ACO2: variants seen among roughly 807,000 people sequenced by gnomAD.
ACO2 encodes the protein aconitase 2.
Under a neutral mutation model 84.5 loss-of-function variants are expected in ACO2, and 31 were observed. The ratio of observed to expected loss-of-function variants is 0.37; its 90% CI spans 0.28 to 0.50. The LOEUF is 0.50. ACO2 is among the 20% of genes least tolerant of loss of function. ACO2 has a pLI of 0.97. For missense variants in ACO2, 685 were observed against 1,029.3 expected (o/e 0.67, Z 4.58); for synonymous variants, 414 against 412.7 (o/e 1.00, Z -0.04).
intron 3 of ACO2, among the ~76,000 whole-genome samples, chr22:41,510,518 G>T (rs994829565): frequency 2.0e-5 from 3 of 152,250 alleles, no homozygotes; most frequent in Admixed American, 1.3e-4. Context: ...CAGTGAAGGG[G>T]TGTGTGGTTT....
At chr22:41,512,615 G>A (rs1342257598) in intron 4 of ACO2, among the ~76,000 whole-genome samples, 1 of 152,162 alleles carries the variant, frequency 6.6e-6, no homozygotes, top group Non-Finnish European at 1.5e-5. Context: ...GCTTCTGCAC[G>A]TGGCGCTCCT....
At chr22:41,498,128 G>A (rs1415587776) in intron 1 of ACO2, among the ~76,000 whole-genome samples, 1 of 151,972 alleles carries the variant, frequency 6.6e-6, no homozygotes, top group Non-Finnish European at 1.5e-5. Flanking sequence ...TGGCGACAGA[G>A]CAAGAATCCA....
Position 41,510,852 on chromosome 22 carries a change from G to C in ACO2, c.433-1024G>C, listed in dbSNP as rs74338524. Reference sequence around the variant, plus strand: ...TCGTTTGGCTGAAACCTCCTTTTCAGAACAGTGGTCCCTTCGACAGCCTTC... The same window carrying C: ...TCGTTTGGCTGAAACCTCCTTTTCACAACAGTGGTCCCTTCGACAGCCTTC... On this transcript the variant is annotated intron_variant, in intron 3 of 17. Coordinates refer to ENST00000216254, the MANE Select transcript of ACO2 (RefSeq NM_001098.3). Among the ~76,000 whole-genome samples the C allele has an allele frequency of 9.8e-3, 1,486 of 152,314 alleles. 27 individuals are homozygous for C. The highest frequency in any genetic ancestry group is 0.034 in the African/African-American group (1,398 of 41,566).
intron 6 of ACO2, among the ~76,000 whole-genome samples, chr22:41,516,704 T>C (rs1173705331): frequency 1.3e-5 from 2 of 152,078 alleles, no homozygotes; most frequent in African/African-American, 4.8e-5. Context: ...CCAGACAGTG[T>C]GTATCATTTC....
intron 1 of ACO2, among the ~76,000 whole-genome samples, chr22:41,478,665 T>C (rs2146081933): frequency 6.6e-6 from 1 of 152,248 alleles, no homozygotes; most frequent in South Asian, 2.1e-4. Context: ...TGAGATGGTT[T>C]CTGATTGGGA....
chr22:41,491,022 T>C (rs886922360), intron 1 of ACO2, among the ~76,000 whole-genome samples: 1 of 151,830 alleles, frequency 6.6e-6, no homozygotes, highest in Non-Finnish European at 1.5e-5. Flanking sequence ...GCATATATAA[T>C]AGGAGGCTCT....
At chr22:41,505,769 G>T (rs1203435004) in intron 2 of ACO2, among the ~76,000 whole-genome samples, 1 of 152,176 alleles carries the variant, frequency 6.6e-6, no homozygotes, top group Non-Finnish European at 1.5e-5. Flanking sequence ...AAAGGGGCGG[G>T]AGGGAGTTAA....
At chr22:41,478,066 A>G (rs1300256496) in intron 1 of ACO2, among the ~76,000 whole-genome samples, 1 of 151,698 alleles carries the variant, frequency 6.6e-6, no homozygotes, top group African/African-American at 2.4e-5. Flanking sequence ...CTCTGTCTCA[A>G]AAAAAAAACC....
At chr22:41,482,856 G>A (rs1382085852) in intron 1 of ACO2, among the ~76,000 whole-genome samples, 1 of 152,232 alleles carries the variant, frequency 6.6e-6, no homozygotes. Context: ...AAGGGGCAGA[G>A]CTGGGATTTG....
chr22:41,490,774 C>G (rs1267778361), intron 1 of ACO2, among the ~76,000 whole-genome samples: 2 of 152,152 alleles, frequency 1.3e-5, no homozygotes, highest in African/African-American at 4.8e-5. Flanking sequence ...ACTAACTCAA[C>G]CTGCTCTGTA....
At chr22:41,503,222 A>G (rs1363435809) in intron 2 of ACO2, among the ~76,000 whole-genome samples, 2 of 150,974 alleles carry the variant, frequency 1.3e-5, no homozygotes, top group African/African-American at 4.9e-5. Context: ...TTTTATTCCA[A>G]CCTTGCTTTG....
intron 1 of ACO2, among the ~76,000 whole-genome samples, chr22:41,479,964 A>C (rs977383581): frequency 6.6e-6 from 1 of 152,216 alleles, no homozygotes; most frequent in Admixed American, 6.5e-5. Context: ...TTGGAGAGAC[A>C]TGGCTCCTTG....
intron 1 of ACO2, among the ~76,000 whole-genome samples, chr22:41,471,000 G>A (rs904094725): frequency 1.3e-5 from 2 of 152,200 alleles, no homozygotes; most frequent in African/African-American, 2.4e-5. Context: ...ATTTTGAACC[G>A]AAAAGGATCT....
Position 41,517,934 on chromosome 22 carries a change from C to G in ACO2, c.940+303C>G, listed in dbSNP as rs151070709. On this transcript the variant is annotated intron_variant, in intron 7 of 17. Coordinates refer to ENST00000216254, the MANE Select transcript of ACO2 (RefSeq NM_001098.3). ...CCCTTCTCGGCCTGGTCCCTGCTGC[C>G]CCCTACAGGAAACTCCGGAAATGAC... Among the ~76,000 whole-genome samples the G allele has an allele frequency of 2.8e-3, 425 of 152,310 alleles. 4 individuals carry two copies. The South Asian group carries it at 0.033, about 12-fold the overall frequency.
intron 1 of ACO2, among the ~76,000 whole-genome samples, chr22:41,479,160 A>G (rs1293149337): frequency 6.6e-6 from 1 of 152,086 alleles, no homozygotes; most frequent in Non-Finnish European, 1.5e-5. Flanking sequence ...AGGTGGGGGA[A>G]TTTGCTGGGT....
chr22:41,475,858 A>G (rs2038007145), intron 1 of ACO2, among the ~76,000 whole-genome samples: 1 of 150,386 alleles, frequency 6.6e-6, no homozygotes, highest in Non-Finnish European at 1.5e-5. Context: ...AGATCGCGCC[A>G]CTGCACTCCA....
chr22:41,527,835 G>T, intron 16 of ACO2, 66 bp from the exon 17 acceptor site: 1 of 1,612,080 alleles, frequency 6.2e-7, no homozygotes, highest in South Asian at 1.1e-5. Flanking sequence ...GCCCCAGATG[G>T]GTTCAGAAAA....
In ACO2 at chr22:41,515,967, T is replaced by G. The variant is rs371777558; in HGVS notation, c.835+50T>G. 1.9e-6 allele frequency: 3 copies of G among 1,587,454 alleles called. No homozygotes were observed. Among genetic ancestry groups the G allele is most frequent in the Non-Finnish European group, 2.6e-6 (3 of 1,166,394 alleles). On this transcript the variant is annotated intron_variant, in intron 6 of 17. Transcript: ENST00000216254. This position sits in a 1 kb window ranked among gnomAD's most constrained non-coding sequence, Gnocchi z 5.8. Reference sequence around the variant, plus strand: ...GGCCCCTACCCTGTGCTGGGCCTGATGGGTCTCCAGTTGGGAGTAGAAGCG... The same window carrying G: ...GGCCCCTACCCTGTGCTGGGCCTGAGGGGTCTCCAGTTGGGAGTAGAAGCG...
intron 1 of ACO2, among the ~76,000 whole-genome samples, chr22:41,489,766 TA>T (rs2066258428): frequency 6.6e-6 from 1 of 152,076 alleles, no homozygotes; most frequent in Non-Finnish European, 1.5e-5. Flanking sequence ...ATCTCTGGGT[TA>T]AAATGGTGGT....
Sources: allele counts gnomAD v4.1 joint callset (sites outside exome capture counted in the v4.1 genomes callset), GRCh38; gene constraint gnomAD v4.1.1; non-coding constraint Gnocchi (gnomAD v3.1); transcripts MANE v1.5; gene names NCBI Gene and HGNC (gene_info 2026-07-23, HGNC 2026-07-21).